Variants in SV2B observed in about 807,000 individuals in gnomAD.
SV2B encodes synaptic vesicle glycoprotein 2B.
SV2B carries 41 observed loss-of-function variants against 73.9 expected under a neutral mutation model. The observed-to-expected ratio is 0.56, with a 90% CI of 0.43 to 0.72. The LOEUF (loss-of-function observed/expected upper bound fraction) is 0.72, where lower values mean the gene tolerates loss of function less well. SV2B is among the 30% of genes least tolerant of loss of function. The pLI, the probability that SV2B is intolerant of heterozygous loss-of-function variation, is 0.00. For synonymous variants in SV2B, 314 were observed against 314.2 expected (o/e 1.00, Z 0.01); for missense variants, 764 against 857.8 (o/e 0.89, Z 1.37).
Position 91,261,817 on chromosome 15 carries a change from AT to A in SV2B, c.1008+1411del, listed in dbSNP as rs1488285410. ...AACCAAAACAAAATGGTAAATGGTA[AT>A]TTCTATGAAGATGGCCTGATAGTTA... On this transcript the variant is annotated intron_variant, in intron 6 of 12. Coordinates refer to ENST00000394232, the MANE Select transcript of SV2B (RefSeq NM_001323032.3). The surrounding 1 kb of genome is among the most constrained non-coding windows in gnomAD (Gnocchi z 4.7). Among the ~76,000 whole-genome samples the A allele has an allele frequency of 6.6e-6, 1 of 152,178 alleles. No individual in the cohort carries two copies. Among genetic ancestry groups the A allele is most frequent in the African/African-American group, 2.4e-5 (1 of 41,464 alleles).
intron 1 of SV2B, among the ~76,000 whole-genome samples, chr15:91,127,771 T>TC: frequency 6.6e-6 from 1 of 152,234 alleles, no homozygotes; most frequent in Middle Eastern, 3.4e-3. Flanking sequence ...GCATGCTGCC[T>TC]CCATAGTGGA....
chr15:91,152,748 G>T (rs1362556862), intron 1 of SV2B, among the ~76,000 whole-genome samples: 1 of 152,140 alleles, frequency 6.6e-6, no homozygotes, highest in Non-Finnish European at 1.5e-5. Flanking sequence ...AAACAGAAAG[G>T]AAAGAGGTTT....
chr15:91,266,291 C>T (rs932327566), intron 6 of SV2B, among the ~76,000 whole-genome samples: 6 of 152,216 alleles, frequency 3.9e-5, no homozygotes, highest in Admixed American at 6.5e-5. Flanking sequence ...TGCTTTCTCC[C>T]CGCGGATTGC....
rs2046985939 is a variant in SV2B at position 91,240,918 on chromosome 15, AT to A, written c.452-10898del. Among the ~76,000 whole-genome samples, 1 of 152,066 alleles carries A rather than the reference AT, an allele frequency of 6.6e-6. No homozygotes were observed. Among genetic ancestry groups the A allele is most frequent in the Non-Finnish European group, 1.5e-5 (1 of 68,018 alleles). On this transcript the variant is annotated intron_variant, in intron 2 of 12. Transcript: ENST00000394232. This position sits in a 1 kb window ranked among gnomAD's most constrained non-coding sequence, Gnocchi z 4.6. ...TTGCTCTTTCTTGCTCCCCCTGGACATTTCCAGGCCATTCTCCCTCTCTCCT... is the reference window on the plus strand; with the variant it reads ...TTGCTCTTTCTTGCTCCCCCTGGACATTCCAGGCCATTCTCCCTCTCTCCT...
At position 91,125,781 on chromosome 15, in the gene SV2B, C is replaced by CAAAAAAAAAAAAAAA. The variant is rs200016125; in HGVS notation, c.-392+25423_-392+25437dup. Among the ~76,000 whole-genome samples the CAAAAAAAAAAAAAAA allele has an allele frequency of 2.0e-3, 116 of 57,038 alleles. 8 individuals are homozygous for CAAAAAAAAAAAAAAA. The highest frequency in any genetic ancestry group is 5.8e-3 in the African/African-American group (91 of 15,616). 37.4% of individuals were successfully genotyped at this position (57,038 alleles called of 152,430 possible). On this transcript the variant is annotated intron_variant, in intron 1 of 12. Coordinates refer to ENST00000394232, the MANE Select transcript of SV2B (RefSeq NM_001323032.3). ...CAAAGTGAGACCCTGTCTCAAGGGGCAAAAAAAAAAAAAAAAAAATTCAGT... is the reference window on the plus strand; with the variant it reads ...CAAAGTGAGACCCTGTCTCAAGGGGCAAAAAAAAAAAAAAAAAAAAAAAAAAAAAAAAAATTCAGT...
At chr15:91,221,695 A>ACGCGCGCGCACGCGCG (rs937088399) in intron 1 of SV2B, among the ~76,000 whole-genome samples, 2 of 132,330 alleles carry the variant, frequency 1.5e-5, no homozygotes, top group African/African-American at 6.3e-5. Flanking sequence ...GCATGTGCGC[A>ACGCGCGCGCACGCGCG]CACACACACA....
rs530516419 is a variant in SV2B at position 91,226,105 on chromosome 15, A to AGGGG, written c.-153_-150dup. On this transcript the variant is annotated 5_prime_UTR_variant, in exon 2 of 13. Coordinates refer to ENST00000394232, the MANE Select transcript of SV2B (RefSeq NM_001323032.3). ...CAAATCTGGTTGATTTGAGAGATAA[A>AGGGG]GGGGGGGGGAACCAGTGTGACTTTC... is the stretch of plus-strand genomic sequence containing the variant. 55 of 662,070 alleles carry AGGGG rather than the reference A, an allele frequency of 8.3e-5. No homozygotes were observed. The highest frequency in any genetic ancestry group is 2.2e-4 in the Admixed American group (7 of 31,540). 41.0% of individuals were successfully genotyped at this position (662,070 alleles called of 1,614,324 possible).
chr15:91,144,896 GTT>G lies in SV2B; in HGVS notation c.-392+44547_-392+44548del, dbSNP rs57977211. On this transcript the variant is annotated intron_variant, in intron 1 of 12. Coordinates refer to ENST00000394232, the MANE Select transcript of SV2B (RefSeq NM_001323032.3). The stretch of plus-strand genomic sequence containing the variant: ...TCCTTAAGGTGTGATGAAGAGAACT[GTT>G]TTTTTTTTTTTTTATGGAAGTCACT... Among the ~76,000 whole-genome samples, 1,143 of 143,092 alleles carry G rather than the reference GTT, an allele frequency of 8.0e-3. 10 individuals are homozygous for G. The highest frequency in any genetic ancestry group is 0.019 in the African/African-American group (767 of 39,504). 93.9% of individuals were successfully genotyped at this position (143,092 alleles called of 152,430 possible).
At chr15:91,218,330 TG>T (rs1337030210) in intron 1 of SV2B, among the ~76,000 whole-genome samples, 1 of 152,106 alleles carries the variant, frequency 6.6e-6, no homozygotes, top group Admixed American at 6.5e-5. Context: ...GGGTATAGGG[TG>T]GGCACTTCTG....
At chr15:91,213,273 A>T (rs75555401) in intron 1 of SV2B, among the ~76,000 whole-genome samples, 80 of 152,280 alleles carry the variant, frequency 5.3e-4, no homozygotes, top group Non-Finnish European at 4.0e-4. Flanking sequence ...GGCACATTTA[A>T]CTTTTCCTCA....
Position 91,253,122 on chromosome 15 carries a change from C to A in SV2B, c.784+602C>A, listed in dbSNP as rs1178770773. Among the ~76,000 whole-genome samples the A allele has an allele frequency of 6.6e-6, 1 of 152,204 alleles. No homozygotes were observed. The highest frequency in any genetic ancestry group is 2.4e-5 in the African/African-American group (1 of 41,458). ...TTCCTGGATAATTGTAAACACTATT[C>A]TCTGGACAGAGACCTGGCAACATCA... On this transcript the variant is annotated intron_variant, in intron 4 of 12. Transcript: ENST00000394232. This position sits in a 1 kb window ranked among gnomAD's most constrained non-coding sequence, Gnocchi z 5.0.
At chr15:91,126,703 G>A (rs2042493371) in intron 1 of SV2B, among the ~76,000 whole-genome samples, 1 of 152,180 alleles carries the variant, frequency 6.6e-6, no homozygotes, top group Non-Finnish European at 1.5e-5. Flanking sequence ...CTGGTTTAAT[G>A]TTTAAAAGTC....
chr15:91,243,169 G>C (rs985302584), intron 2 of SV2B, among the ~76,000 whole-genome samples: 10 of 152,300 alleles, frequency 6.6e-5, no homozygotes, highest in Middle Eastern at 6.8e-3. Flanking sequence ...TTGGTCTTAA[G>C]TGAAATGGCA....
Position 91,239,081 on chromosome 15 carries a change from A to T in SV2B, c.451+12367A>T, listed in dbSNP as rs142119183. Among the ~76,000 whole-genome samples the T allele has an allele frequency of 1.2e-4, 18 of 152,326 alleles. No homozygotes were observed. The highest frequency in any genetic ancestry group is 4.3e-4 in the African/African-American group (18 of 41,576). ...TGGAAAGTCACAAATATTAGCAGGG[A>T]TGGAAGAAAGGGGGTGTGATAGAAG... On this transcript the variant is annotated intron_variant, in intron 2 of 12. Transcript: ENST00000394232. This position sits in a 1 kb window ranked among gnomAD's most constrained non-coding sequence, Gnocchi z 5.1.
At chr15:91,271,898 T>C (rs2048329391) in intron 9 of SV2B, among the ~76,000 whole-genome samples, 1 of 152,228 alleles carries the variant, frequency 6.6e-6, no homozygotes, top group Admixed American at 6.5e-5. Context: ...TTTGACTTTA[T>C]TCATACTTGG....
rs139540195 is a variant in SV2B, at chr15:91,252,631, C to T, written c.784+111C>T. 1,394 of 1,149,014 alleles carry T rather than the reference C, an allele frequency of 1.2e-3. 17 individuals are homozygous for T. The African/African-American group carries it at 0.02, about 17-fold the overall frequency. The allele number at this position is 1,149,014 out of a possible 1,614,324, so 71.2% of individuals were successfully genotyped here. A position where few individuals can be genotyped will look rare whatever the true frequency, so the allele number is the denominator to read the frequency against. On this transcript the variant is annotated intron_variant, in intron 4 of 12. Coordinates refer to ENST00000394232, the MANE Select transcript of SV2B (RefSeq NM_001323032.3). This position sits in a 1 kb window ranked among gnomAD's most constrained non-coding sequence, Gnocchi z 4.6. ...CATGTACTCACGCACAGTTCCCGTACGTGACCTTGATCTTTCTTAACAACT... is the reference window on the plus strand; with the variant it reads ...CATGTACTCACGCACAGTTCCCGTATGTGACCTTGATCTTTCTTAACAACT...
intron 2 of SV2B, among the ~76,000 whole-genome samples, chr15:91,251,371 C>G (rs181759126): frequency 5.3e-4 from 80 of 152,352 alleles, no homozygotes; most frequent in Admixed American, 2.3e-3. Context: ...ACATAGCCAG[C>G]CTTGCTGGCA....
rs539204940 is a variant in SV2B, at chr15:91,181,450, T to A, written c.-391-44423T>A. Among the ~76,000 whole-genome samples, 8 of 152,192 alleles carry A rather than the reference T, an allele frequency of 5.3e-5. No individual in the cohort carries two copies. In the South Asian group the frequency reaches 1.7e-3, roughly 32 times the overall value. On this transcript the variant is annotated intron_variant, in intron 1 of 12. Coordinates refer to ENST00000394232, the MANE Select transcript of SV2B (RefSeq NM_001323032.3). ...GCTGTCAGACAGGGTCATTTAAGTCTGCAGAGGTTACTGCTGTCTTTTTGT... is the reference window on the plus strand; with the variant it reads ...GCTGTCAGACAGGGTCATTTAAGTCAGCAGAGGTTACTGCTGTCTTTTTGT...
In SV2B at chr15:91,139,388, C is replaced by T. The variant is rs1179933691; in HGVS notation, c.-392+39025C>T. ...AGGGAAACTTCCAAGGAACCTCTCT[C>T]TAACCCTAAATAACAACAGCCATAA... On this transcript the variant is annotated intron_variant, in intron 1 of 12. Transcript: ENST00000394232. This position sits in a 1 kb window ranked among gnomAD's most constrained non-coding sequence, Gnocchi z 5.2. 6.6e-6 allele frequency among the ~76,000 whole-genome samples: 1 copy of T among 152,146 alleles called. No individual in the cohort carries two copies. The highest frequency in any genetic ancestry group is 1.5e-5 in the Non-Finnish European group (1 of 68,036).
Sources: allele counts gnomAD v4.1 joint callset (sites outside exome capture counted in the v4.1 genomes callset), GRCh38; gene constraint gnomAD v4.1.1; non-coding constraint Gnocchi (gnomAD v3.1); transcripts MANE v1.5; gene names NCBI Gene and HGNC (gene_info 2026-07-23, HGNC 2026-07-21).